TTC34: variants seen among roughly 807,000 people sequenced by gnomAD.
TTC34 encodes the protein tetratricopeptide repeat protein 34.
In TTC34, 44 loss-of-function variants were observed where a neutral mutation model predicts 40.7. The observed-to-expected ratio is 1.08, with a 90% confidence interval of 0.85 to 1.39. The LOEUF is 1.39. Among genes scored for constraint, TTC34 ranks in the 40% most tolerant of loss-of-function variants. The pLI is 0.00. For synonymous variants in TTC34, 422 were observed against 398.6 expected, an observed-to-expected ratio of 1.06 and a Z score of -0.70; for missense variants, 884 against 838.0, an observed-to-expected ratio of 1.05 and a Z score of -0.68.
chr1:2,696,466 T>G (rs1259689528), intron 6 of TTC34, among the ~76,000 whole-genome samples: 17 of 6,486 alleles, frequency 2.6e-3, no homozygotes, highest in South Asian at 5.4e-3. Context: ...ACAGCCTGGA[T>G]CTGCACCCAC....
At chr1:2,780,611 T>C (rs1242476015) in intron 6 of TTC34, among the ~76,000 whole-genome samples, 1 of 152,206 alleles carries the variant, frequency 6.6e-6, no homozygotes, top group African/African-American at 2.4e-5. Flanking sequence ...GTTTCATTGG[T>C]CTCTGTGTCT....
At chr1:2,643,690 G>GC (rs1048806927) in intron 8 of TTC34, among the ~76,000 whole-genome samples, 48 of 152,314 alleles carry the variant, frequency 3.2e-4, no homozygotes, top group African/African-American at 9.6e-4. Flanking sequence ...GCACCGAACT[G>GC]CCCCTTACAC....
intron 6 of TTC34, among the ~76,000 whole-genome samples, chr1:2,752,803 AGCTCCCTGCATC>A (rs1641368042): frequency 7.8e-6 from 1 of 128,444 alleles, no homozygotes; most frequent in Non-Finnish European, 1.6e-5. Context: ...AGCCTGGAAC[AGCTCCCTGCATC>A]CCCAGGTGCG....
chr1:2,646,277 T>C (rs1639020297), intron 6 of TTC34, among the ~76,000 whole-genome samples: 1 of 152,176 alleles, frequency 6.6e-6, no homozygotes, highest in Admixed American at 6.5e-5. Flanking sequence ...CTTTACCTAA[T>C]ATGTGAGATC....
Position 2,690,424 on chromosome 1 carries a change from A to T in TTC34, c.2227-44861T>A, listed in dbSNP as rs546692310. The stretch of plus-strand genomic sequence containing the variant: ...CCAACGGAGCAGAACCCAGAACCCC[A>T]GGCGAGCATCTGACAGCCTGGAACA... On this transcript the variant is annotated intron_variant, in intron 6 of 8. Transcript: ENST00000401095. Among the ~76,000 whole-genome samples, 51 of 148,448 alleles carry T rather than the reference A, an allele frequency of 3.4e-4. 4 individuals carry two copies. Among genetic ancestry groups the T allele is most frequent in the African/African-American group, 1.2e-3 (50 of 41,222 alleles).
intron 6 of TTC34, among the ~76,000 whole-genome samples, chr1:2,691,116 T>G (rs1265385364): frequency 4.4e-5 from 3 of 68,152 alleles, no homozygotes; most frequent in African/African-American, 1.0e-4. Flanking sequence ...GGTGAGCATC[T>G]GACAGCCTGG....
Position 2,684,677 on chromosome 1 carries a change from G to A in TTC34, c.2227-39114C>T, listed in dbSNP as rs6683769. 1.7e-3 allele frequency among the ~76,000 whole-genome samples: 155 copies of A among 91,772 alleles called. 4 individuals are homozygous for A. The highest frequency in any genetic ancestry group is 8.2e-3 in the African/African-American group (138 of 16,908). The allele number at this position is 91,772 out of a possible 152,430, so 60.2% of individuals were successfully genotyped here. ...CGACAGCCTGGAGCAGCACCCACAC[G>A]CCCAGGTGAGCATCTGACAGCCTGG... On this transcript the variant is annotated intron_variant, in intron 6 of 8. Transcript: ENST00000401095.
chr1:2,684,598 C>G (rs1482335223), intron 6 of TTC34, among the ~76,000 whole-genome samples: 1 of 134,196 alleles, frequency 7.5e-6, no homozygotes, highest in African/African-American at 3.2e-5. Context: ...CACCCATACC[C>G]CCAGGTGAGC....
intron 6 of TTC34, among the ~76,000 whole-genome samples, chr1:2,657,860 AC>A (rs1180601542): frequency 9.1e-6 from 1 of 110,488 alleles, no homozygotes; most frequent in Non-Finnish European, 2.3e-5. Context: ...CAGCACCCAC[AC>A]CCCCAGGTGA....
At chr1:2,784,085 C>G (rs1011793813) in intron 5 of TTC34, among the ~76,000 whole-genome samples, 1 of 152,038 alleles carries the variant, frequency 6.6e-6, no homozygotes, top group Non-Finnish European at 1.5e-5. Flanking sequence ...ACGCGGAGAC[C>G]GGTAGTGGCC....
At chr1:2,768,027 T>C (rs1338350861) in intron 6 of TTC34, among the ~76,000 whole-genome samples, 4 of 151,310 alleles carry the variant, frequency 2.6e-5, no homozygotes, top group African/African-American at 9.7e-5. Flanking sequence ...TCTGACAGCA[T>C]AAAACAGCAC....
intron 6 of TTC34, among the ~76,000 whole-genome samples, chr1:2,749,463 G>C (rs1190695578): frequency 3.0e-5 from 2 of 67,712 alleles, no homozygotes; most frequent in Admixed American, 1.5e-4. Context: ...AGCATCTGAC[G>C]GCCTGGAACA....
At chr1:2,748,724 C>T (rs1641225167) in intron 6 of TTC34, among the ~76,000 whole-genome samples, 2 of 129,000 alleles carry the variant, frequency 1.6e-5, no homozygotes, top group Admixed American at 1.5e-4. Flanking sequence ...CCCACACCTC[C>T]AGGTGAGCAT....
At chr1:2,751,868 C>A (rs1414352738) in intron 6 of TTC34, among the ~76,000 whole-genome samples, 1 of 109,478 alleles carries the variant, frequency 9.1e-6, no homozygotes, top group Non-Finnish European at 1.8e-5. Flanking sequence ...GAGCATCCGA[C>A]AGCCTGGAGC....
chr1:2,694,588 C>T (rs1438185874), intron 6 of TTC34, among the ~76,000 whole-genome samples: 1 of 103,176 alleles, frequency 9.7e-6, no homozygotes, highest in East Asian at 2.5e-4. Flanking sequence ...ACAGTACCCA[C>T]ACCCACAGGC....
chr1:2,750,002 C>A (rs1328886228), intron 6 of TTC34, among the ~76,000 whole-genome samples: 1 of 91,704 alleles, frequency 1.1e-5, no homozygotes, highest in Admixed American at 1.2e-4. Flanking sequence ...GCAGCACCCA[C>A]ATCCCCAGGC....
At chr1:2,797,369 A>G (rs975381524) in intron 2 of TTC34, among the ~76,000 whole-genome samples, 3 of 152,164 alleles carry the variant, frequency 2.0e-5, no homozygotes, top group Admixed American at 6.5e-5. Flanking sequence ...CACGCCAGGG[A>G]GGTCCTGTCT....
At chr1:2,768,651 C>T (rs1641882594) in intron 6 of TTC34, among the ~76,000 whole-genome samples, 2 of 151,740 alleles carry the variant, frequency 1.3e-5, no homozygotes. Flanking sequence ...CCTGGAACAG[C>T]AGCTCACATC....
chr1:2,780,455 G>A (rs2100616649), intron 6 of TTC34, among the ~76,000 whole-genome samples: 1 of 152,290 alleles, frequency 6.6e-6, no homozygotes, highest in East Asian at 1.9e-4. Flanking sequence ...ATTTTTGTAT[G>A]TAGTGTTAGG....
Sources: allele counts gnomAD v4.1 joint callset (sites outside exome capture counted in the v4.1 genomes callset), GRCh38; gene constraint gnomAD v4.1.1; transcripts MANE v1.5; gene names NCBI Gene and HGNC (gene_info 2026-07-23, HGNC 2026-07-21).